The following DLX3 variants were observed in gnomAD, a reference collection of about 807,000 sequenced individuals.
DLX3 encodes distal-less homeobox 3.
A neutral mutation model predicts 28.0 loss-of-function variants in DLX3; 9 were observed. The ratio of observed to expected loss-of-function variants is 0.32; its 90% CI spans 0.19 to 0.56. The LOEUF is 0.56. Ranked by LOEUF, DLX3 falls within the 20% of genes least tolerant of loss-of-function variation. DLX3 has a pLI of 0.91. For missense variants in DLX3, 313 were observed against 378.2 expected, an observed-to-expected ratio of 0.83 and a Z score of 1.43; for synonymous variants, 154 against 167.9, an observed-to-expected ratio of 0.92 and a Z score of 0.64.
Position 49,995,093 on chromosome 17 carries a change from G to A in DLX3, c.-95C>T. The A allele has an allele frequency of 6.8e-7, 1 of 1,472,538 alleles. No homozygotes were observed. The highest frequency in any genetic ancestry group is 9.2e-7 in the Non-Finnish European group (1 of 1,087,910). The allele number at this position is 1,472,538 out of a possible 1,614,324, so 91.2% of individuals were successfully genotyped here. A position where few individuals can be genotyped will look rare whatever the true frequency, so the allele number is the denominator to read the frequency against. On this transcript the variant is annotated 5_prime_UTR_variant, in exon 1 of 3. Coordinates refer to ENST00000434704, the MANE Select transcript of DLX3 (RefSeq NM_005220.3). Reference sequence around the variant, plus strand: ...GGCGGAAGAGACGAGGCAGGGGTGTGTGTCCAGAAGGCGAAGGGAGGACCC... The same window carrying A: ...GGCGGAAGAGACGAGGCAGGGGTGTATGTCCAGAAGGCGAAGGGAGGACCC...
Position 49,994,479 on chromosome 17 carries a change from C to T in DLX3, c.325+195G>A, listed in dbSNP as rs34257647. Among the ~76,000 whole-genome samples the T allele has an allele frequency of 0.073, 11,131 of 152,324 alleles. 631 individuals carry two copies. The highest frequency in any genetic ancestry group is 0.19 in the South Asian group (929 of 4,824). Reference sequence around the variant, plus strand: ...CGGGACCGCGGCGCACTGCGCACATCGCGCCCCAAATGCTTGCACACCCGG... The same window carrying T: ...CGGGACCGCGGCGCACTGCGCACATTGCGCCCCAAATGCTTGCACACCCGG... On this transcript the variant is annotated intron_variant, in intron 1 of 2. Coordinates refer to ENST00000434704, the MANE Select transcript of DLX3 (RefSeq NM_005220.3).
chr17:49,994,810 G>A lies in DLX3; in HGVS notation c.189C>T (p.Tyr63=), dbSNP rs1012179024. Residue 63 remains tyrosine, a synonymous_variant, in exon 1 of 3, where the codon TAC becomes TAT. Transcript: ENST00000434704. ...GQPYGQTVNP[Y]TYHHQFNLNG... is the part of the protein sequence containing the mutation. Reference sequence around the variant, plus strand: ...TGAGATTGAATTGGTGGTGGTAGGTGTAGGGGTTCACCGTCTGGCCATAGG... The same window carrying A: ...TGAGATTGAATTGGTGGTGGTAGGTATAGGGGTTCACCGTCTGGCCATAGG... The A allele has an allele frequency of 6.2e-7, 1 of 1,614,260 alleles. No individual in the cohort carries two copies. The highest frequency in any genetic ancestry group is 8.5e-7 in the Non-Finnish European group (1 of 1,180,042).
chr17:49,993,723 C>G, intron 1 of DLX3, 133 bp from the exon 2 acceptor site: 2 of 1,053,186 alleles, frequency 1.9e-6, no homozygotes, highest in Non-Finnish European at 2.6e-6. Flanking sequence ...GCCGCGCGCT[C>G]CGCTGCCCGC....
chr17:49,991,500 G>C lies in DLX3; in HGVS notation c.*17C>G, dbSNP rs546606985. On this transcript the variant is annotated 3_prime_UTR_variant, in exon 3 of 3. Transcript: ENST00000434704. ...GGTCCTGGGGTCCTTTGTCAAGGGT[G>C]CAGGCCAGATGGGTGCTCAGTACAC... The C allele has an allele frequency of 6.3e-7, 1 of 1,586,606 alleles. No individual in the cohort carries two copies. The highest frequency in any genetic ancestry group is 1.8e-5 in the Admixed American group (1 of 56,374).
chr17:49,990,344 T>C lies in DLX3; in HGVS notation c.*1173A>G, dbSNP rs1392889589. 1 of 142,834 alleles carries C rather than the reference T, an allele frequency of 7.0e-6. No homozygotes were observed. The highest frequency in any genetic ancestry group is 1.5e-5 in the Non-Finnish European group (1 of 65,700). 8.8% of individuals were successfully genotyped at this position (142,834 alleles called of 1,614,324 possible). A position where few individuals can be genotyped will look rare whatever the true frequency, so the allele number is the denominator to read the frequency against. ...ATATATATAGCTACAGTCTTCTACC[T>C]CTCCTTTTTTTTTTTTTTCAATGTT... On this transcript the variant is annotated 3_prime_UTR_variant, in exon 3 of 3. Transcript: ENST00000434704.
At chr17:49,993,335 C>T in intron 2 of DLX3, 65 bp downstream of exon 2, 1 of 1,505,776 alleles carries the variant, frequency 6.6e-7, no homozygotes, top group Non-Finnish European at 8.9e-7. Flanking sequence ...CAGCCAGGCT[C>T]GGCAGCGCGC....
Position 49,991,751 on chromosome 17 carries a change from T to C in DLX3, c.630A>G (p.Pro210=). ...NNSDSMACNS[P]PSPALWDTSS... is the part of the protein sequence containing the mutation. ...AGGTGTCCCAGAGGGCGGGTGATGG[T>C]GGTGAGTTGCAGGCCATGGAATCAC... Residue 210 remains proline (P), a synonymous_variant, in exon 3 of 3, where the codon CCA becomes CCG. Transcript: ENST00000434704. 1 of 1,614,014 alleles carries C rather than the reference T, an allele frequency of 6.2e-7. No individual in the cohort carries two copies. Among genetic ancestry groups the C allele is most frequent in the Non-Finnish European group, 8.5e-7 (1 of 1,179,958 alleles).
chr17:49,991,468 T>C lies in DLX3; in HGVS notation c.*49A>G, dbSNP rs752491348. The C allele has an allele frequency of 1.1e-5, 17 of 1,505,792 alleles. No homozygotes were observed. The highest frequency in any genetic ancestry group is 1.5e-5 in the Non-Finnish European group (17 of 1,119,194). 93.3% of individuals were successfully genotyped at this position (1,505,792 alleles called of 1,614,324 possible). On this transcript the variant is annotated 3_prime_UTR_variant, in exon 3 of 3. Transcript: ENST00000434704. ...CTGAGTGGCTAGGACGGAGGCGCCTTCTGCCTGGTCCTGGGGTCCTTTGTC... is the reference window on the plus strand; with the variant it reads ...CTGAGTGGCTAGGACGGAGGCGCCTCCTGCCTGGTCCTGGGGTCCTTTGTC...
In DLX3 at chr17:49,991,464, G is replaced by T; in HGVS notation, c.*53C>A. 6.8e-7 allele frequency: 1 copy of T among 1,467,898 alleles called. No homozygotes were observed. Among genetic ancestry groups the T allele is most frequent in the Non-Finnish European group, 9.2e-7 (1 of 1,087,568 alleles). The allele number at this position is 1,467,898 out of a possible 1,614,324, so 90.9% of individuals were successfully genotyped here. A position where few individuals can be genotyped will look rare whatever the true frequency, so the allele number is the denominator to read the frequency against. On this transcript the variant is annotated 3_prime_UTR_variant, in exon 3 of 3. Coordinates refer to ENST00000434704, the MANE Select transcript of DLX3 (RefSeq NM_005220.3). ...ATTCCTGAGTGGCTAGGACGGAGGC[G>T]CCTTCTGCCTGGTCCTGGGGTCCTT...
At chr17:49,993,692 C>G (rs941966134) in intron 1 of DLX3, 102 bp from the exon 2 acceptor site, 9 of 1,351,414 alleles carry the variant, frequency 6.7e-6, no homozygotes, top group Non-Finnish European at 7.0e-6. Context: ...TTCCGCCCAC[C>G]GACTCGCCGC....
chr17:49,991,442 C>T lies in DLX3; in HGVS notation c.*75G>A, dbSNP rs1051660674. 13 of 1,301,152 alleles carry T rather than the reference C, an allele frequency of 1.0e-5. No homozygotes were observed. Among genetic ancestry groups the T allele is most frequent in the Non-Finnish European group, 1.2e-5 (11 of 953,142 alleles). 80.6% of individuals were successfully genotyped at this position (1,301,152 alleles called of 1,614,324 possible). On this transcript the variant is annotated 3_prime_UTR_variant, in exon 3 of 3. Coordinates refer to ENST00000434704, the MANE Select transcript of DLX3 (RefSeq NM_005220.3). ...CTTTTCCCTGTGCTCCTCGATGATT[C>T]CTGAGTGGCTAGGACGGAGGCGCCT...
In DLX3 at chr17:49,991,513, G is replaced by T; in HGVS notation, c.*4C>A. On this transcript the variant is annotated 3_prime_UTR_variant, in exon 3 of 3. Coordinates refer to ENST00000434704, the MANE Select transcript of DLX3 (RefSeq NM_005220.3). ...TTTGTCAAGGGTGCAGGCCAGATGG[G>T]TGCTCAGTACACAGCCCCAGGGTTG... 6.3e-7 allele frequency: 1 copy of T among 1,598,150 alleles called. No individual in the cohort carries two copies. The highest frequency in any genetic ancestry group is 1.7e-5 in the Admixed American group (1 of 58,326).
intron 2 of DLX3, 22 bp downstream of exon 2, chr17:49,993,378 C>G (rs1906162716): frequency 6.3e-7 from 1 of 1,584,692 alleles, no homozygotes; most frequent in African/African-American, 1.3e-5. Context: ...GCCCCCGCGG[C>G]CCTGGACAGC....
Position 49,990,213 on chromosome 17 carries a change from G to A in DLX3, c.*1304C>T, listed in dbSNP as rs1163462838. The A allele has an allele frequency of 6.6e-6, 1 of 151,868 alleles. No homozygotes were observed. The highest frequency in any genetic ancestry group is 2.4e-5 in the African/African-American group (1 of 41,268). The allele number at this position is 151,868 out of a possible 1,614,324, so 9.4% of individuals were successfully genotyped here. Reference sequence around the variant, plus strand: ...CACATCTCTCAGCTTGAAACACACAGGGAGATCCGTCCAGGAGGAACATGG... The same window carrying A: ...CACATCTCTCAGCTTGAAACACACAAGGAGATCCGTCCAGGAGGAACATGG... On this transcript the variant is annotated 3_prime_UTR_variant, in exon 3 of 3. Coordinates refer to ENST00000434704, the MANE Select transcript of DLX3 (RefSeq NM_005220.3).
Position 49,991,414 on chromosome 17 carries a change from T to A in DLX3, c.*103A>T, listed in dbSNP as rs1049811099. On this transcript the variant is annotated 3_prime_UTR_variant, in exon 3 of 3. Transcript: ENST00000434704. ...AGGGGCAAGGGAGGGGGAAAGGGAG[T>A]TCCTTTTCCCTGTGCTCCTCGATGA... 6 of 1,051,696 alleles carry A rather than the reference T, an allele frequency of 5.7e-6. No individual in the cohort carries two copies. Among genetic ancestry groups the A allele is most frequent in the East Asian group, 2.6e-5 (1 of 38,340 alleles). The allele number at this position is 1,051,696 out of a possible 1,614,324, so 65.1% of individuals were successfully genotyped here.
In DLX3 at chr17:49,995,152, C is replaced by G; in HGVS notation, c.-154G>C. ...CTGGGGGGAGGGGGAGGCCGAGAGG[C>G]GCTTACACCATTGCCTGCCGTCAGG... On this transcript the variant is annotated 5_prime_UTR_variant, in exon 1 of 3. Coordinates refer to ENST00000434704, the MANE Select transcript of DLX3 (RefSeq NM_005220.3). 1 of 920,162 alleles carries G rather than the reference C, an allele frequency of 1.1e-6. No homozygotes were observed. Among genetic ancestry groups the G allele is most frequent in the Non-Finnish European group, 1.7e-6 (1 of 594,418 alleles). 57.0% of individuals were successfully genotyped at this position (920,162 alleles called of 1,614,324 possible). A position where few individuals can be genotyped will look rare whatever the true frequency, so the allele number is the denominator to read the frequency against.
chr17:49,993,775 C>T (rs1217709845), intron 1 of DLX3, 185 bp from the exon 2 acceptor site: 3 of 449,126 alleles, frequency 6.7e-6, no homozygotes, highest in African/African-American at 2.1e-5. Context: ...GAACTGGCCG[C>T]GGCCCACAAC....
At chr17:49,994,352 G>A (rs1433132303) in intron 1 of DLX3, among the ~76,000 whole-genome samples, 1 of 151,806 alleles carries the variant, frequency 6.6e-6, no homozygotes, top group Non-Finnish European at 1.5e-5. Context: ...CGACTTGATC[G>A]AGGATCGCCT....
Position 49,995,166 on chromosome 17 carries a change from C to A in DLX3, c.-168G>T. 1 of 828,440 alleles carries A rather than the reference C, an allele frequency of 1.2e-6. No individual in the cohort carries two copies. Among genetic ancestry groups the A allele is most frequent in the Admixed American group, 2.2e-5 (1 of 45,210 alleles). The allele number at this position is 828,440 out of a possible 1,614,324, so 51.3% of individuals were successfully genotyped here. Reference sequence around the variant, plus strand: ...AGGCCGAGAGGCGCTTACACCATTGCCTGCCGTCAGGCGGTCGCTGCGCGC... The same window carrying A: ...AGGCCGAGAGGCGCTTACACCATTGACTGCCGTCAGGCGGTCGCTGCGCGC... On this transcript the variant is annotated 5_prime_UTR_variant, in exon 1 of 3. Coordinates refer to ENST00000434704, the MANE Select transcript of DLX3 (RefSeq NM_005220.3).
Sources: gnomAD v4.1 joint callset for allele counts (sites outside exome capture counted in the v4.1 genomes callset) on GRCh38, gnomAD v4.1.1 for gene constraint, MANE v1.5 for transcripts, NCBI Gene and HGNC (gene_info 2026-07-23, HGNC 2026-07-21) for gene names.